Variants in DDR1 observed in about 807,000 individuals in gnomAD.
DDR1 encodes the protein epithelial discoidin domain-containing receptor 1.
In DDR1, 64 loss-of-function variants were observed where a neutral mutation model predicts 97.4. That is an observed-to-expected ratio of 0.66 (90% confidence interval 0.54 to 0.81). DDR1 has a LOEUF of 0.81. DDR1 is among the 30% of genes least tolerant of loss of function. The pLI is 0.00. For synonymous variants in DDR1, 458 were observed against 503.7 expected (o/e 0.91, Z 1.21); for missense variants, 990 against 1,259.6 (o/e 0.79, Z 3.24).
upstream of DDR1, chr6:30,884,405 C>T (rs2150214463): frequency 6.9e-6 from 1 of 144,606 alleles, no homozygotes; most frequent in African/African-American, 2.6e-5. The surrounding 1 kb of genome is among the most constrained non-coding windows in gnomAD (Gnocchi z 6.1). Context: ...GCTGCGAGCC[C>T]GAACGCGCGG....
intron 16 of DDR1, 104 bp downstream of exon 16, chr6:30,898,411 C>A: frequency 1.2e-6 from 1 of 847,478 alleles, no homozygotes; most frequent in Non-Finnish European, 1.9e-6. Context: ...CTCTGGGTTG[C>A]ATTTTACAGA....
chr6:30,894,803 T>C lies in DDR1; in HGVS notation c.1513+132T>C, dbSNP rs1790078067. 4.0e-6 allele frequency: 4 copies of C among 1,007,590 alleles called. No homozygotes were observed. The highest frequency in any genetic ancestry group is 5.6e-6 in the Non-Finnish European group (4 of 710,012). The allele number at this position is 1,007,590 out of a possible 1,614,324, so 62.4% of individuals were successfully genotyped here. A position where few individuals can be genotyped will look rare whatever the true frequency, so the allele number is the denominator to read the frequency against. Reference sequence around the variant, plus strand: ...TTCTTCTTTCTGTGCCCCTGGTTACTGTCTATATCACTCTTTGTCCCTACC... The same window carrying C: ...TTCTTCTTTCTGTGCCCCTGGTTACCGTCTATATCACTCTTTGTCCCTACC... On this transcript the variant is annotated intron_variant, in intron 11 of 17. Coordinates refer to ENST00000376568, the MANE Select transcript of DDR1 (RefSeq NM_001297654.2). This position sits in a 1 kb window ranked among gnomAD's most constrained non-coding sequence, Gnocchi z 5.7.
At chr6:30,882,845 G>A (rs1784512855), upstream of DDR1, 2 of 152,438 alleles carry the variant, frequency 1.3e-5, no homozygotes, top group African/African-American at 4.8e-5. The surrounding 1 kb of genome is among the most constrained non-coding windows in gnomAD (Gnocchi z 4.8). Flanking sequence ...GGCTTTCCCA[G>A]AGCACAGCTC....
rs1252462020 is a variant in DDR1, at chr6:30,893,053, G to T, written c.1100-15G>T. 3 of 1,603,486 alleles carry T rather than the reference G, an allele frequency of 1.9e-6. No homozygotes were observed. The highest frequency in any genetic ancestry group is 1.7e-5 in the Admixed American group (1 of 58,690). ...TCATTTACCTCCCTCCTTTCTTTTT[G>T]TTCCTTCTCCCCAGATGTGGTGAAC... On this transcript the variant is annotated splice_polypyrimidine_tract_variant and intron_variant, in intron 8 of 17. Coordinates refer to ENST00000376568, the MANE Select transcript of DDR1 (RefSeq NM_001297654.2).
In DDR1 at chr6:30,897,467, C is replaced by G; in HGVS notation, c.2086C>G (p.Pro696Ala). ...GCTGGGCGTGTGTGTGCAGGACGAC[C>G]CCCTCTGCATGATTACTGACTACAT... ...RLLGVCVQDD[P>A]LCMITDYMEN... is the part of the protein sequence containing the mutation. The change falls in exon 15 of 18, where the codon CCC (proline) becomes GCC (alanine). Residue 696 changes from proline (P) to alanine (A), a missense_variant. Pro to Ala is a conservative substitution (Grantham distance 27). Coordinates refer to ENST00000376568, the MANE Select transcript of DDR1 (RefSeq NM_001297654.2). This position sits in a 1 kb window ranked among gnomAD's most constrained non-coding sequence, Gnocchi z 5.2. The G allele has an allele frequency of 6.2e-7, 1 of 1,614,128 alleles. No homozygotes were observed. Among genetic ancestry groups the G allele is most frequent in the South Asian group, 1.1e-5 (1 of 91,078 alleles).
chr6:30,899,283 T>C lies in DDR1; in HGVS notation c.2729T>C (p.Leu910Pro), dbSNP rs2150487617. 6.2e-7 allele frequency: 1 copy of C among 1,611,976 alleles called. No individual in the cohort carries two copies. The highest frequency in any genetic ancestry group is 1.3e-5 in the African/African-American group (1 of 75,010). ...QLHRFLAEDA[L>P]NTV ...CATCGGTTCCTGGCAGAGGATGCAC[T>C]CAACACGGTGTGAATCACACATCCA... Residue 910 changes from leucine (L) to proline (P), a missense_variant, in exon 18 of 18, where the codon CTC (leucine) becomes CCC (proline). Coordinates refer to ENST00000376568, the MANE Select transcript of DDR1 (RefSeq NM_001297654.2).
chr6:30,896,861 G>A lies in DDR1; in HGVS notation c.1865G>A (p.Gly622Glu). ...GAGAAGCTTGGCGAGGGCCAGTTTG[G>A]GGAGGTAAGGAGGGTGCCTACCCAG... is the stretch of plus-strand genomic sequence containing the variant. ...FKEKLGEGQF[G>E]EVHLCEVDSP... The change falls in exon 13 of 18, where the codon GGG (glycine) becomes GAG (glutamate). Residue 622 changes from glycine to glutamate, a missense_variant. Gly to Glu is a moderately conservative substitution (Grantham distance 98, BLOSUM62 -2). Coordinates refer to ENST00000376568, the MANE Select transcript of DDR1 (RefSeq NM_001297654.2). The A allele has an allele frequency of 6.3e-7, 1 of 1,574,962 alleles. No homozygotes were observed. The highest frequency in any genetic ancestry group is 1.2e-5 in the South Asian group (1 of 84,726).
In DDR1 at chr6:30,892,712, G is replaced by T. The variant is rs1352732851; in HGVS notation, c.1099+170G>T. ...TAACTTGAGCCCCTTTCTGCCTCTT[G>T]TTCTCTGCGTATCCATCTTTCCTTT... On this transcript the variant is annotated intron_variant, in intron 8 of 17. Coordinates refer to ENST00000376568, the MANE Select transcript of DDR1 (RefSeq NM_001297654.2). 11 of 816,900 alleles carry T rather than the reference G, an allele frequency of 1.3e-5. No individual in the cohort carries two copies. In the African/African-American group the frequency reaches 1.6e-4, roughly 12 times the overall value. The allele number at this position is 816,900 out of a possible 1,614,324, so 50.6% of individuals were successfully genotyped here.
chr6:30,892,954 C>A, intron 8 of DDR1, 114 bp from the exon 9 acceptor site: 1 of 921,304 alleles, frequency 1.1e-6, no homozygotes, highest in Non-Finnish European at 1.7e-6. Context: ...TCAGTGGTTG[C>A]CTATTGAGAA....
In DDR1 at chr6:30,888,688, A is replaced by C. The variant is rs1197240800; in HGVS notation, c.-42A>C. The C allele has an allele frequency of 3.7e-6, 6 of 1,610,534 alleles. No individual in the cohort carries two copies. The South Asian group carries it at 6.6e-5, about 18-fold the overall frequency. ...GCACCACCCATTTTATCCCCTGCAG[A>C]GATGCTGCCCCCACCCCCTTAGGCC... On this transcript the variant is annotated splice_region_variant and 5_prime_UTR_variant, in exon 2 of 18. Coordinates refer to ENST00000376568, the MANE Select transcript of DDR1 (RefSeq NM_001297654.2). This position sits in a 1 kb window ranked among gnomAD's most constrained non-coding sequence, Gnocchi z 4.2.
chr6:30,882,667 T>C (rs1380690901), upstream of DDR1: 1 of 152,444 alleles, frequency 6.6e-6, no homozygotes, highest in Non-Finnish European at 1.5e-5. This position sits in a 1 kb window ranked among gnomAD's most constrained non-coding sequence, Gnocchi z 4.8. Context: ...CCTGAGGCAG[T>C]GAGAAGAGGG....
At position 30,885,904 on chromosome 6, in the gene DDR1, C is replaced by G. The variant is rs1202246402; in HGVS notation, c.-43+1194C>G. On this transcript the variant is annotated intron_variant, in intron 1 of 17. Coordinates refer to ENST00000376568, the MANE Select transcript of DDR1 (RefSeq NM_001297654.2). The stretch of plus-strand genomic sequence containing the variant: ...GGGGTTGGGAGAGGAGCGTGAAGGG[C>G]TTGAGGCAGGGTGGCCTGGCCCCTG... 4 of 1,084,306 alleles carry G rather than the reference C, an allele frequency of 3.7e-6. No homozygotes were observed. The African/African-American group carries it at 6.5e-5, about 18-fold the overall frequency. 67.2% of individuals were successfully genotyped at this position (1,084,306 alleles called of 1,614,324 possible).
At chr6:30,885,774 G>A in intron 1 of DDR1, 1 of 1,291,884 alleles carries the variant, frequency 7.7e-7, no homozygotes, top group Non-Finnish European at 1.0e-6. Context: ...GTGGGTGTGT[G>A]CATGCCACAT....
chr6:30,896,334 G>A (rs1013516856), intron 12 of DDR1, among the ~76,000 whole-genome samples: 4 of 151,894 alleles, frequency 2.6e-5, no homozygotes, highest in African/African-American at 7.3e-5. Context: ...TTATCTCACA[G>A]TCTCTTGAGA....
chr6:30,891,857 G>T lies in DDR1; in HGVS notation c.666-145G>T. ...GAGAGAGGAGAAGGGCCAGCTGCAT[G>T]AGTGTGAGGTGGGATGGGAATGGGA... is the stretch of plus-strand genomic sequence containing the variant. On this transcript the variant is annotated intron_variant, in intron 6 of 17. Transcript: ENST00000376568. This position sits in a 1 kb window ranked among gnomAD's most constrained non-coding sequence, Gnocchi z 5.3. 1 of 859,340 alleles carries T rather than the reference G, an allele frequency of 1.2e-6. No individual in the cohort carries two copies. Among genetic ancestry groups the T allele is most frequent in the South Asian group, 1.6e-5 (1 of 64,142 alleles). The allele number at this position is 859,340 out of a possible 1,614,324, so 53.2% of individuals were successfully genotyped here.
chr6:30,894,666 G>A lies in DDR1; in HGVS notation c.1508G>A (p.Gly503Asp), dbSNP rs771231629. ...CACTCCGCTCCCTGTGTCCCCAATG[G>A]CTCTGGTAAGACCTGCCTTGTTCCA... ...PPHSAPCVPN[G>D]SALLLSNPAY... Residue 503 changes from glycine to aspartate, a missense_variant, in exon 11 of 18, where the codon GGC becomes GAC. Gly to Asp is a moderately conservative substitution (Grantham distance 94). Transcript: ENST00000376568. This position sits in a 1 kb window ranked among gnomAD's most constrained non-coding sequence, Gnocchi z 5.7. 2 of 1,601,650 alleles carry A rather than the reference G, an allele frequency of 1.2e-6. No homozygotes were observed. The highest frequency in any genetic ancestry group is 3.4e-5 in the Admixed American group (2 of 58,630).
chr6:30,895,725 T>C (rs1268446039), intron 12 of DDR1, among the ~76,000 whole-genome samples: 3 of 152,178 alleles, frequency 2.0e-5, no homozygotes, highest in African/African-American at 4.8e-5. Flanking sequence ...AGTAGAAAGC[T>C]TACTGGTCCC....
At position 30,889,246 on chromosome 6, in the gene DDR1, C is replaced by A. The variant is rs370616104; in HGVS notation, c.233C>A (p.Ser78Ter). 1 of 1,612,958 alleles carries A rather than the reference C, an allele frequency of 6.2e-7. No homozygotes were observed. Among genetic ancestry groups the A allele is most frequent in the Admixed American group, 1.7e-5 (1 of 60,014 alleles). Reference sequence around the variant, plus strand: ...GATGGGGCCTGGTGCCCCGCAGGGTCGGTGTTTCCCAAGGAGGAGGAGTAC... The same window carrying A: ...GATGGGGCCTGGTGCCCCGCAGGGTAGGTGTTTCCCAAGGAGGAGGAGTAC... ...DGDGAWCPAG[S>*]VFPKEEEYLQ... Residue 78 changes from serine to a stop codon, truncating the protein, a stop_gained, in exon 4 of 18, where the codon TCG (serine) becomes TAG (stop). Transcript: ENST00000376568. LOFTEE classifies it high-confidence loss of function. This position sits in a 1 kb window ranked among gnomAD's most constrained non-coding sequence, Gnocchi z 4.9.
chr6:30,895,404 C>T lies in DDR1; in HGVS notation c.1514C>T (p.Ala505Val), dbSNP rs374931528. The change falls in exon 12 of 18, where the codon GCG becomes GTG. Residue 505 changes from alanine to valine, a missense_variant and splice_region_variant. Coordinates refer to ENST00000376568, the MANE Select transcript of DDR1 (RefSeq NM_001297654.2). ...HSAPCVPNGSALLLSNPAYRL... is the reference protein window; with the variant it reads ...HSAPCVPNGSVLLLSNPAYRL... The stretch of plus-strand genomic sequence containing the variant: ...TTTCCCCTCCTCCTTCTCCCGACAG[C>T]GTTGCTGCTCTCCAATCCAGCCTAC... 3.0e-5 allele frequency: 49 copies of T among 1,607,848 alleles called. No individual in the cohort carries two copies. The highest frequency in any genetic ancestry group is 4.1e-5 in the Non-Finnish European group (48 of 1,177,352).
Sources: gnomAD v4.1 joint callset for allele counts (sites outside exome capture counted in the v4.1 genomes callset) on GRCh38, gnomAD v4.1.1 for gene constraint, Gnocchi (gnomAD v3.1) non-coding constraint, MANE v1.5 for transcripts, NCBI Gene and HGNC (gene_info 2026-07-23, HGNC 2026-07-21) for gene names.